PTGER3: variants seen among roughly 807,000 people sequenced by gnomAD.
The protein encoded by PTGER3 is prostaglandin E receptor 3, also known as prostaglandin E2 receptor EP3 subtype.
A neutral mutation model predicts 34.7 loss-of-function variants in PTGER3; 22 were observed. The ratio of observed to expected loss-of-function variants is 0.63; its 90% CI spans 0.45 to 0.91. The LOEUF (loss-of-function observed/expected upper bound fraction) is 0.91. PTGER3 is among the 40% of genes least tolerant of loss of function. PTGER3 has a pLI of 0.00. For synonymous variants in PTGER3, 241 were observed against 230.1 expected, an observed-to-expected ratio of 1.05 and a Z score of -0.43; for missense variants, 468 against 519.4, an observed-to-expected ratio of 0.90 and a Z score of 0.96.
At chr1:70,983,244 T>A (rs1248985340) in intron 2 of PTGER3, among the ~76,000 whole-genome samples, 1 of 150,560 alleles carries the variant, frequency 6.6e-6, no homozygotes, top group Non-Finnish European at 1.5e-5. Flanking sequence ...CTGCATTTCA[T>A]GAAGTCACCC....
At chr1:70,934,605 A>G (rs1024668576) in intron 4 of PTGER3, among the ~76,000 whole-genome samples, 8 of 152,210 alleles carry the variant, frequency 5.3e-5, no homozygotes, top group African/African-American at 1.4e-4. Context: ...ATACTAAACT[A>G]TAAATATGCT....
At chr1:70,983,284 G>A (rs201455519) in intron 2 of PTGER3, among the ~76,000 whole-genome samples, 7 of 148,252 alleles carry the variant, frequency 4.7e-5, no homozygotes, top group Non-Finnish European at 1.5e-5. Context: ...TAATTAATCT[G>A]AAAAAAAAAA....
At chr1:70,916,358 G>A (rs1396645123) in intron 4 of PTGER3, among the ~76,000 whole-genome samples, 3 of 151,878 alleles carry the variant, frequency 2.0e-5, no homozygotes, top group Admixed American at 1.3e-4. Flanking sequence ...GCTACAATTC[G>A]ACCCAGCAAT....
chr1:71,029,785 G>A (rs1413918297), intron 1 of PTGER3, among the ~76,000 whole-genome samples: 1 of 151,962 alleles, frequency 6.6e-6, no homozygotes, highest in East Asian at 1.9e-4. Flanking sequence ...AATTAGCTGG[G>A]TGTGTTGGTG....
chr1:70,884,970 C>T (rs1646466708), intron 4 of PTGER3, among the ~76,000 whole-genome samples: 1 of 152,134 alleles, frequency 6.6e-6, no homozygotes, highest in Non-Finnish European at 1.5e-5. Context: ...TTATTTGGGA[C>T]ACAACTCTTC....
At chr1:70,948,438 C>T (rs1650426796), downstream of PTGER3, among the ~76,000 whole-genome samples, 1 of 152,124 alleles carries the variant, frequency 6.6e-6, no homozygotes, top group South Asian at 2.1e-4. Flanking sequence ...GTTTCCCCAG[C>T]TCTGTGGAAC....
chr1:71,040,171 A>AGAGGG (rs1344899936), intron 1 of PTGER3, among the ~76,000 whole-genome samples: 1 of 151,252 alleles, frequency 6.6e-6, no homozygotes, highest in East Asian at 1.9e-4. Flanking sequence ...AGAGAGGAGG[A>AGAGGG]GAGGGAAGGG....
chr1:70,892,270 G>A (rs1471912580), intron 4 of PTGER3, among the ~76,000 whole-genome samples: 1 of 152,178 alleles, frequency 6.6e-6, no homozygotes, highest in East Asian at 1.9e-4. Flanking sequence ...CATGTAAAAT[G>A]TTGACGATAA....
intron 1 of PTGER3, among the ~76,000 whole-genome samples, chr1:71,023,307 T>C (rs2284361): frequency 0.18 from 26,858 of 151,820 alleles, 3,025 homozygotes; most frequent in East Asian, 0.4. Context: ...AATATTCGAG[T>C]CACCATTTGT....
chr1:71,003,291 T>G lies in PTGER3; in HGVS notation c.1077+9014A>C, dbSNP rs1020433636. On this transcript the variant is annotated intron_variant, in intron 2 of 3. Coordinates refer to ENST00000306666, the MANE Select transcript of PTGER3 (RefSeq NM_198719.2). ...AATGGCAATGCACAAATTTAGTGCC[T>G]ATAGAAGTATAAATAGATATGTGTC... is the stretch of plus-strand genomic sequence containing the variant. 2.6e-5 allele frequency among the ~76,000 whole-genome samples: 4 copies of G among 152,368 alleles called. No individual in the cohort carries two copies. In the South Asian group the frequency reaches 8.3e-4, roughly 32 times the overall value.
At chr1:70,897,541 G>A (rs112839518) in intron 4 of PTGER3, among the ~76,000 whole-genome samples, 1,644 of 152,152 alleles carry the variant, frequency 0.011, 40 homozygotes, top group African/African-American at 0.037. Context: ...TGACTCCCAC[G>A]TGTCTGCTGT....
intron 4 of PTGER3, among the ~76,000 whole-genome samples, chr1:70,918,403 G>A (rs1018221506): frequency 1.3e-5 from 2 of 151,952 alleles, no homozygotes; most frequent in African/African-American, 4.8e-5. Flanking sequence ...ATACACAAAT[G>A]AGATTACATC....
chr1:70,995,724 T>C (rs1655879107), intron 2 of PTGER3, among the ~76,000 whole-genome samples: 2 of 152,112 alleles, frequency 1.3e-5, no homozygotes. Context: ...CAAATAAAAC[T>C]ACAGATGGTA....
intron 4 of PTGER3, among the ~76,000 whole-genome samples, chr1:70,933,190 A>T (rs1648887926): frequency 6.6e-6 from 1 of 152,128 alleles, no homozygotes; most frequent in Admixed American, 6.6e-5. Context: ...TTGAAGAGTG[A>T]ATGATGTTAC....
chr1:71,010,945 A>G, intron 2 of PTGER3: 1 of 985,420 alleles, frequency 1.0e-6, no homozygotes, highest in Non-Finnish European at 1.2e-6. Context: ...TCAAGCTTTT[A>G]AAAAACTAGA....
chr1:70,860,482 C>T (rs1645903818), intron 4 of PTGER3, among the ~76,000 whole-genome samples: 1 of 152,008 alleles, frequency 6.6e-6, no homozygotes, highest in Non-Finnish European at 1.5e-5. Context: ...AAATAATTAT[C>T]TTACTTGTTT....
At chr1:70,997,874 C>T (rs1656127620) in intron 2 of PTGER3, among the ~76,000 whole-genome samples, 2 of 152,140 alleles carry the variant, frequency 1.3e-5, no homozygotes, top group African/African-American at 4.8e-5. Flanking sequence ...TCATAAAATC[C>T]TGAGTTGGAA....
At chr1:70,855,423 AT>A (rs1482142996) in intron 4 of PTGER3, among the ~76,000 whole-genome samples, 2 of 152,210 alleles carry the variant, frequency 1.3e-5, no homozygotes, top group African/African-American at 2.4e-5. Flanking sequence ...TGTTAACACT[AT>A]TGAACTATAC....
At chr1:70,936,860 T>A (rs975886889) in intron 4 of PTGER3, among the ~76,000 whole-genome samples, 1 of 152,188 alleles carries the variant, frequency 6.6e-6, no homozygotes, top group African/African-American at 2.4e-5. Flanking sequence ...GTCATTCTTT[T>A]GAGTTTTTTT....
Sources: gnomAD v4.1 joint callset for allele counts (sites outside exome capture counted in the v4.1 genomes callset) on GRCh38, gnomAD v4.1.1 for gene constraint, MANE v1.5 for transcripts, NCBI Gene and HGNC (gene_info 2026-07-23, HGNC 2026-07-21) for gene names.